ABCA9: variants seen among roughly 807,000 people sequenced by gnomAD.
ABCA9 encodes the protein ATP-binding cassette sub-family A member 9.
ABCA9 carries 183 observed loss-of-function variants against 205.3 expected under a neutral mutation model. The observed-to-expected ratio is 0.89, with a 90% CI of 0.79 to 1.01. ABCA9 has a LOEUF of 1.01. Among genes scored for constraint, ABCA9 ranks in the 50% least tolerant of loss-of-function variants. ABCA9 has a pLI of 0.00. For missense variants in ABCA9, 1,805 were observed against 1,912.4 expected (o/e 0.94, Z 1.05); for synonymous variants, 651 against 683.3 (o/e 0.95, Z 0.74).
chr17:69,040,131 T>C (rs555204784), intron 6 of ABCA9, among the ~76,000 whole-genome samples: 2 of 152,302 alleles, frequency 1.3e-5, no homozygotes, highest in Non-Finnish European at 2.9e-5. Flanking sequence ...ATTCAACCAT[T>C]GTGGAAGACA....
chr17:69,053,792 C>T (rs1281645925), intron 1 of ABCA9, among the ~76,000 whole-genome samples: 2 of 151,802 alleles, frequency 1.3e-5, no homozygotes, highest in Non-Finnish European at 2.9e-5. Flanking sequence ...GAGAATTTCC[C>T]CAGATAACGG....
intron 30 of ABCA9, among the ~76,000 whole-genome samples, 194 bp from the exon 31 acceptor site, chr17:68,989,312 T>C (rs1185195538): frequency 6.6e-6 from 1 of 150,970 alleles, no homozygotes; most frequent in Admixed American, 6.6e-5. Flanking sequence ...GCATTATAAC[T>C]AGCTTCATTT....
At chr17:69,056,329 G>T (rs984213849) in intron 1 of ABCA9, among the ~76,000 whole-genome samples, 1 of 151,848 alleles carries the variant, frequency 6.6e-6, no homozygotes, top group Non-Finnish European at 1.5e-5. Flanking sequence ...ATGAAAGAGG[G>T]GGCATCACTA....
At chr17:69,015,310 C>T (rs546030762) in intron 22 of ABCA9, among the ~76,000 whole-genome samples, 1 of 152,070 alleles carries the variant, frequency 6.6e-6, no homozygotes, top group Non-Finnish European at 1.5e-5. Flanking sequence ...TCCTTCATAA[C>T]AAAAAGTAAC....
the ABCA9 span, chr17:69,078,670 G>T: frequency 4.9e-6 from 1 of 204,108 alleles, no homozygotes; most frequent in Non-Finnish European, 9.7e-6. Flanking sequence ...AGAATGTTTT[G>T]TAAAAGGTAA....
At chr17:69,027,515 C>T in intron 13 of ABCA9, 66 bp from the exon 14 acceptor site, 1 of 1,568,238 alleles carries the variant, frequency 6.4e-7, no homozygotes, top group African/African-American at 1.4e-5. Context: ...TATCATTTTT[C>T]TGTTCTTTAC....
Position 68,975,944 on chromosome 17 carries a change from A to T in ABCA9, c.4846T>A (p.Trp1616Arg). 6.2e-7 allele frequency: 1 copy of T among 1,613,450 alleles called. No homozygotes were observed. Among genetic ancestry groups the T allele is most frequent in the Non-Finnish European group, 8.5e-7 (1 of 1,179,728 alleles). ...LEEDFDPSVK[W>R]KLLLQEEP ...GGCTCTTCCTGCAGGAGGAGTTTCCACTTCACCGAGGGATCAAAGTCCTCT... is the reference window on the plus strand; with the variant it reads ...GGCTCTTCCTGCAGGAGGAGTTTCCTCTTCACCGAGGGATCAAAGTCCTCT... The change falls in exon 39 of 39, where the codon TGG becomes AGG. Residue 1616 changes from tryptophan (W) to arginine (R), a missense_variant. By Grantham distance (101) the Trp-to-Arg change is moderately radical. Coordinates refer to ENST00000340001, the MANE Select transcript of ABCA9 (RefSeq NM_080283.4).
chr17:68,998,625 A>C (rs2069718807), intron 25 of ABCA9, among the ~76,000 whole-genome samples: 1 of 152,054 alleles, frequency 6.6e-6, no homozygotes, highest in South Asian at 2.1e-4. Flanking sequence ...TATGTGTAAC[A>C]ATGGATTTGC....
Position 69,054,912 on chromosome 17 carries a change from C to T in ABCA9, c.-13-3773G>A, listed in dbSNP as rs147938680. ...ATTAATTGTAAATATATATTGCAAA[C>T]TCTAAGGATTTAATTTGCTTTTCTT... On this transcript the variant is annotated intron_variant, in intron 1 of 38. Coordinates refer to ENST00000340001, the MANE Select transcript of ABCA9 (RefSeq NM_080283.4). Among the ~76,000 whole-genome samples the T allele has an allele frequency of 1.8e-3, 277 of 151,824 alleles. 1 individual carries two copies. The highest frequency in any genetic ancestry group is 6.4e-3 in the African/African-American group (264 of 41,390).
At chr17:69,053,735 A>G (rs2071980461) in intron 1 of ABCA9, among the ~76,000 whole-genome samples, 1 of 152,122 alleles carries the variant, frequency 6.6e-6, no homozygotes, top group Non-Finnish European at 1.5e-5. Flanking sequence ...GAATACCAAA[A>G]AGAGAGAAAG....
chr17:69,027,952 C>T, intron 12 of ABCA9, 137 bp from the exon 13 acceptor site: 1 of 690,386 alleles, frequency 1.4e-6, no homozygotes, highest in Non-Finnish European at 2.3e-6. Context: ...ATGCAATGAA[C>T]TGATTAAAAA....
Position 69,028,612 on chromosome 17 carries a change from G to A in ABCA9, c.1538C>T (p.Thr513Ile), listed in dbSNP as rs1278702835. The A allele has an allele frequency of 2.5e-6, 4 of 1,609,186 alleles. No homozygotes were observed. The South Asian group carries it at 4.4e-5, about 18-fold the overall frequency. The change falls in exon 12 of 39, where the codon ACT becomes ATT. Residue 513 changes from threonine to isoleucine, a missense_variant. Coordinates refer to ENST00000340001, the MANE Select transcript of ABCA9 (RefSeq NM_080283.4). Reference sequence around the variant, plus strand: ...AGCTCCACTGTGACCAAGGAGGGCAGTGATCTGGCCTTCATATATGTCAAA... The same window carrying A: ...AGCTCCACTGTGACCAAGGAGGGCAATGATCTGGCCTTCATATATGTCAAA... ...VVFDIYEGQI[T>I]ALLGHSGAGK...
Position 69,016,390 on chromosome 17 carries a change from C to G in ABCA9, c.2902G>C (p.Asp968His), listed in dbSNP as rs141222649. 1,894 of 1,572,694 alleles carry G rather than the reference C, an allele frequency of 1.2e-3. No individual in the cohort carries two copies. The highest frequency in any genetic ancestry group is 1.5e-3 in the Non-Finnish European group (1,798 of 1,164,574). Residue 968 changes from aspartate (D) to histidine (H), a missense_variant and splice_region_variant, in exon 22 of 39, where the codon GAT (aspartate) becomes CAT (histidine). Asp to His is a moderately conservative substitution (Grantham distance 81, BLOSUM62 -1). Coordinates refer to ENST00000340001, the MANE Select transcript of ABCA9 (RefSeq NM_080283.4). Reference sequence around the variant, plus strand: ...TTACATGCTATTGAAAATCTGTGATCCTGAAATACAACAAGTACCAATTCG... The same window carrying G: ...TTACATGCTATTGAAAATCTGTGATGCTGAAATACAACAAGTACCAATTCG... Reference protein sequence around the residue: ...GAIIVSGDEKDHRFSIACNTK... With the variant: ...GAIIVSGDEKHHRFSIACNTK...
intron 33 of ABCA9, 36 bp downstream of exon 33, chr17:68,985,017 C>G (rs769605774): frequency 6.2e-7 from 1 of 1,614,176 alleles, no homozygotes; most frequent in Admixed American, 1.7e-5. Context: ...TTCCCATCTA[C>G]GGCACTTGCA....
chr17:69,007,038 A>C (rs929658117), intron 25 of ABCA9, among the ~76,000 whole-genome samples: 1 of 152,142 alleles, frequency 6.6e-6, no homozygotes, highest in African/African-American at 2.4e-5. Context: ...TGAAGGAAAA[A>C]ATGGGGCGTG....
intron 15 of ABCA9, 132 bp downstream of exon 15, chr17:69,026,844 A>C: frequency 1.8e-6 from 2 of 1,122,872 alleles, no homozygotes; most frequent in Non-Finnish European, 2.5e-6. Context: ...AGACCCACAA[A>C]TGAGTAAGAG....
intron 1 of ABCA9, among the ~76,000 whole-genome samples, chr17:69,058,374 A>G (rs576051858): frequency 1.3e-5 from 2 of 152,114 alleles, no homozygotes; most frequent in South Asian, 4.2e-4. Context: ...GAATATGCTG[A>G]CCCCTTCTGG....
intron 1 of ABCA9, among the ~76,000 whole-genome samples, chr17:69,057,117 C>T (rs1225034210): frequency 1.3e-5 from 2 of 152,104 alleles, no homozygotes; most frequent in African/African-American, 4.8e-5. Flanking sequence ...AAAGAGCACC[C>T]AAACTAATCT....
At chr17:69,005,332 T>G (rs576563431) in intron 25 of ABCA9, among the ~76,000 whole-genome samples, 8 of 152,290 alleles carry the variant, frequency 5.3e-5, no homozygotes, top group Non-Finnish European at 1.5e-5. Flanking sequence ...TAGTAGGCAG[T>G]GAATCTCATT....
Sources: allele counts gnomAD v4.1 joint callset (sites outside exome capture counted in the v4.1 genomes callset), GRCh38; gene constraint gnomAD v4.1.1; transcripts MANE v1.5; gene names NCBI Gene and HGNC (gene_info 2026-07-23, HGNC 2026-07-21).